Variants in BTG4 observed in about 807,000 individuals in gnomAD.
BTG4 encodes the protein BTG anti-proliferation factor 4.
Under a neutral mutation model 19.3 loss-of-function variants are expected in BTG4, and 10 were observed. The ratio of observed to expected loss-of-function variants is 0.52; its 90% CI spans 0.32 to 0.88. The LOEUF is 0.88. Ranked by LOEUF, BTG4 falls within the 40% of genes least tolerant of loss-of-function variation. BTG4 has a pLI of 0.04. For missense variants in BTG4, 238 were observed against 281.9 expected (o/e 0.84, Z 1.11); for synonymous variants, 91 against 95.7 (o/e 0.95, Z 0.29).
the BTG4 span, among the ~76,000 whole-genome samples, chr11:111,419,020 G>A: frequency 6.6e-6 from 1 of 152,150 alleles, no homozygotes; most frequent in Non-Finnish European, 1.5e-5. Context: ...GTCTTCATAT[G>A]GTCTTCCCTC....
chr11:111,487,439 T>C (rs977811133), intron 5 of BTG4, among the ~76,000 whole-genome samples: 1 of 152,116 alleles, frequency 6.6e-6, no homozygotes, highest in Non-Finnish European at 1.5e-5. Context: ...ACTCAACAAA[T>C]TGGGTATAGA....
chr11:111,439,266 C>A, the BTG4 span, among the ~76,000 whole-genome samples: 2 of 152,232 alleles, frequency 1.3e-5, no homozygotes, highest in Non-Finnish European at 2.9e-5. Flanking sequence ...AACAAATAGT[C>A]ACCCTTTCTC....
At chr11:111,425,419 G>A in the BTG4 span, among the ~76,000 whole-genome samples, 13 of 152,272 alleles carry the variant, frequency 8.5e-5, no homozygotes, top group East Asian at 2.3e-3. Flanking sequence ...GAAGACTGGA[G>A]AGCCCCCAGT....
chr11:111,423,980 C>T, the BTG4 span, among the ~76,000 whole-genome samples: 27 of 152,146 alleles, frequency 1.8e-4, no homozygotes, highest in Non-Finnish European at 2.6e-4. Context: ...AGACCCTCCC[C>T]AGGTCACCAC....
the BTG4 span, chr11:111,414,991 A>G: frequency 1.3e-5 from 2 of 152,252 alleles, no homozygotes; most frequent in African/African-American, 4.8e-5. Flanking sequence ...TCTGGAAAAC[A>G]CAGAAGGAGA....
downstream of BTG4, chr11:111,466,791 G>C (rs1041313725): frequency 2.0e-5 from 3 of 152,668 alleles, no homozygotes; most frequent in South Asian, 2.1e-4. Context: ...GCAGAAGGAA[G>C]AGTTGATAAC....
At chr11:111,512,741 C>A (rs1055073751), upstream of BTG4, among the ~76,000 whole-genome samples, 15 of 152,084 alleles carry the variant, frequency 9.9e-5, no homozygotes, top group African/African-American at 3.6e-4. Flanking sequence ...TCCTCCCCGG[C>A]AGCGCCGCCC....
the BTG4 span, chr11:111,461,877 A>C: frequency 7.2e-5 from 11 of 152,862 alleles, no homozygotes; most frequent in South Asian, 6.2e-4. Context: ...AGCCCTAAAC[A>C]GGCTGGATAT....
At chr11:111,439,844 T>C in the BTG4 span, among the ~76,000 whole-genome samples, 12 of 152,168 alleles carry the variant, frequency 7.9e-5, no homozygotes, top group African/African-American at 2.4e-4. Flanking sequence ...ATTTTGAGAA[T>C]GAGCCATGAT....
chr11:111,484,575 C>T (rs1306863240), intron 5 of BTG4, among the ~76,000 whole-genome samples: 1 of 151,976 alleles, frequency 6.6e-6, no homozygotes, highest in East Asian at 1.9e-4. Context: ...CCATTGTCAC[C>T]ATTTTTAAAT....
downstream of BTG4, chr11:111,462,952 T>C (rs2135496812): frequency 6.6e-6 from 1 of 152,460 alleles, no homozygotes; most frequent in Non-Finnish European, 1.5e-5. Flanking sequence ...TATTCAGGGG[T>C]AGGTGGGCTC....
the BTG4 span, among the ~76,000 whole-genome samples, chr11:111,425,780 G>A: frequency 6.6e-6 from 1 of 152,162 alleles, no homozygotes; most frequent in African/African-American, 2.4e-5. Flanking sequence ...GCCTATAATC[G>A]CAGCTCTTTG....
chr11:111,495,353 T>G, intron 4 of BTG4, 39 bp from the exon 5 acceptor site: 2 of 1,530,002 alleles, frequency 1.3e-6, no homozygotes, highest in Non-Finnish European at 1.8e-6. Context: ...ATAAGCTAGC[T>G]GTAAGGACTA....
chr11:111,513,654 ACAATGTAT>A (rs1221148798), upstream of BTG4: 1 of 374,340 alleles, frequency 2.7e-6, no homozygotes, highest in East Asian at 7.5e-5. Flanking sequence ...TACTAAGTTT[ACAATGTAT>A]GTAATGTGTA....
the BTG4 span, chr11:111,416,542 G>C: frequency 1.3e-5 from 2 of 152,102 alleles, no homozygotes; most frequent in African/African-American, 4.8e-5. Flanking sequence ...GGGTGCTTCA[G>C]GTAGATCCAG....
chr11:111,388,466 T>TTGGAATGCCCC, the BTG4 span, among the ~76,000 whole-genome samples: 1 of 152,128 alleles, frequency 6.6e-6, no homozygotes, highest in African/African-American at 2.4e-5. Context: ...GTTTTCTTCA[T>TTGGAATGCCCC]TGGAATGCCC....
chr11:111,434,802 C>A, the BTG4 span, among the ~76,000 whole-genome samples: 1 of 152,002 alleles, frequency 6.6e-6, no homozygotes, highest in African/African-American at 2.4e-5. Flanking sequence ...AGAAAGAGGA[C>A]CACCCATCCA....
the BTG4 span, chr11:111,385,739 G>T: frequency 6.6e-6 from 1 of 152,104 alleles, no homozygotes; most frequent in Non-Finnish European, 1.5e-5. Context: ...ACATCTATTT[G>T]TAATTTAAGA....
At chr11:111,505,612 A>G (rs1866394954) in intron 1 of BTG4, among the ~76,000 whole-genome samples, 1 of 152,056 alleles carries the variant, frequency 6.6e-6, no homozygotes. Flanking sequence ...AAACGCAATA[A>G]AAAACGAAGA....
Sources: gnomAD v4.1 joint callset for allele counts (sites outside exome capture counted in the v4.1 genomes callset) on GRCh38, gnomAD v4.1.1 for gene constraint, MANE v1.5 for transcripts, NCBI Gene and HGNC (gene_info 2026-07-23, HGNC 2026-07-21) for gene names.